NLRP5: variants seen among roughly 807,000 people sequenced by gnomAD.
NLRP5 encodes NLR family pyrin domain containing 5, also known as NACHT, LRR and PYD domains-containing protein 5.
In NLRP5, 93 loss-of-function variants were observed where a neutral mutation model predicts 113.1. That is an observed-to-expected ratio of 0.82 (90% CI 0.70 to 0.98). NLRP5 has a LOEUF of 0.98. NLRP5 is among the 50% of genes least tolerant of loss of function. The pLI is 0.00. For missense variants in NLRP5, 1,808 were observed against 1,514.3 expected, an observed-to-expected ratio of 1.19 and a Z score of -3.22; for synonymous variants, 751 against 600.7, an observed-to-expected ratio of 1.25 and a Z score of -3.66.
In NLRP5 at chr19:56,027,484, C is replaced by G. The variant is rs1246197790; in HGVS notation, c.1251C>G (p.Leu417=). 1 of 1,613,930 alleles carries G rather than the reference C, an allele frequency of 6.2e-7. No individual in the cohort carries two copies. The highest frequency in any genetic ancestry group is 8.5e-7 in the Non-Finnish European group (1 of 1,179,860). Reference sequence around the variant, plus strand: ...TCAGAGACGTGGGCACAGAGAAGCTCAAGTCAGAGGTCGTGTCTCCCCGTT... The same window carrying G: ...TCAGAGACGTGGGCACAGAGAAGCTGAAGTCAGAGGTCGTGTCTCCCCGTT... Residue 417 remains leucine (L), a synonymous_variant, in exon 7 of 15, where the codon CTC becomes CTG. Coordinates refer to ENST00000390649, the MANE Select transcript of NLRP5 (RefSeq NM_153447.4).
chr19:56,040,937 C>A lies in NLRP5; in HGVS notation c.2802C>A (p.Gly934=). 1.2e-6 allele frequency: 2 copies of A among 1,613,852 alleles called. No individual in the cohort carries two copies. Among genetic ancestry groups the A allele is most frequent in the Non-Finnish European group, 1.7e-6 (2 of 1,179,764 alleles). ...CTTCTTGCAGACTGGAGGACTGTGG[C>A]ATCACAGCCACGGGTTGCCAGAGTC... Residue 934 remains glycine, a synonymous_variant, in exon 11 of 15, where the codon GGC becomes GGA. Transcript: ENST00000390649.
intron 13 of NLRP5, among the ~76,000 whole-genome samples, chr19:56,055,991 T>A (rs532739083): frequency 5.3e-5 from 8 of 152,154 alleles, no homozygotes; most frequent in Non-Finnish European, 7.3e-5. Flanking sequence ...AAACAGGCAA[T>A]GGCGAGTTGC....
intron 4 of NLRP5, 25 bp downstream of exon 4, chr19:56,015,823 T>TCCAGAAATA: frequency 1.3e-6 from 2 of 1,531,520 alleles, no homozygotes; most frequent in Non-Finnish European, 1.8e-6. Flanking sequence ...TCTATTCATT[T>TCCAGAAATA]GTTGCCCTCC....
intron 14 of NLRP5, among the ~76,000 whole-genome samples, chr19:56,059,772 A>G (rs2123348260): frequency 6.6e-6 from 1 of 151,990 alleles, no homozygotes; most frequent in South Asian, 2.1e-4. Context: ...ATGATCCACC[A>G]GCTTCAGCCT....
At chr19:55,987,854 ACTC>A in the NLRP5 span, 3 of 1,613,348 alleles carry the variant, frequency 1.9e-6, no homozygotes, top group South Asian at 3.3e-5. Context: ...CTTCTCCCCA[ACTC>A]CTCACCCACC....
intron 13 of NLRP5, 142 bp downstream of exon 13, chr19:56,053,950 C>T (rs892356647): frequency 8.7e-6 from 6 of 688,900 alleles, no homozygotes; most frequent in Admixed American, 5.5e-5. Flanking sequence ...CGCAGCACCA[C>T]AGATCTGGGT....
chr19:56,030,330 A>G (rs1173799362), intron 7 of NLRP5, among the ~76,000 whole-genome samples: 1 of 152,116 alleles, frequency 6.6e-6, no homozygotes, highest in African/African-American at 2.4e-5. Flanking sequence ...AGATGGCACC[A>G]CTGTGCTCCA....
At chr19:56,052,397 A>G (rs1599911158) in intron 12 of NLRP5, among the ~76,000 whole-genome samples, 1 of 151,704 alleles carries the variant, frequency 6.6e-6, no homozygotes, top group Non-Finnish European at 1.5e-5. Context: ...GCCTCCCGAG[A>G]AGCTGGGATT....
In NLRP5 at chr19:56,010,742, C is replaced by CAAAAAAAAAAAAAAAAA. The variant is rs1412317286; in HGVS notation, c.508+1902_508+1903insAAAAAAAAAAAAAAAAA. On this transcript the variant is annotated intron_variant, in intron 3 of 14. Coordinates refer to ENST00000390649, the MANE Select transcript of NLRP5 (RefSeq NM_153447.4). Reference sequence around the variant, plus strand: ...GGGAAACAAGAGCTTAACTCTGTCTCAAAAAAAAAAAAAGTCCCTTGAAAC... The same window carrying CAAAAAAAAAAAAAAAAA: ...GGGAAACAAGAGCTTAACTCTGTCTCAAAAAAAAAAAAAAAAAAAAAAAAAAAAAAGTCCCTTGAAAC... 2.2e-3 allele frequency among the ~76,000 whole-genome samples: 90 copies of CAAAAAAAAAAAAAAAAA among 41,238 alleles called. 12 individuals are homozygous for CAAAAAAAAAAAAAAAAA. The highest frequency in any genetic ancestry group is 6.6e-3 in the South Asian group (8 of 1,206). 27.1% of individuals were successfully genotyped at this position (41,238 alleles called of 152,430 possible). A position where few individuals can be genotyped will look rare whatever the true frequency, so the allele number is the denominator to read the frequency against.
chr19:55,987,877 G>A, the NLRP5 span: 86 of 1,613,864 alleles, frequency 5.3e-5, no homozygotes, highest in Non-Finnish European at 5.1e-5. Flanking sequence ...CCGACTTCAC[G>A]GGAAAAAGTG....
chr19:55,998,682 A>ATGTGTG (rs1233364294), upstream of NLRP5, among the ~76,000 whole-genome samples: 1 of 83,656 alleles, frequency 1.2e-5, no homozygotes, highest in African/African-American at 6.2e-5. Flanking sequence ...GTATATATAT[A>ATGTGTG]TATATATATA....
At chr19:56,053,571 G>A in intron 12 of NLRP5, 67 bp from the exon 13 acceptor site, 1 of 1,431,814 alleles carries the variant, frequency 7.0e-7, no homozygotes, top group Non-Finnish European at 9.6e-7. Flanking sequence ...TAATGCTGCT[G>A]AACCTTCTCC....
At chr19:56,046,033 G>T (rs1983710778) in intron 11 of NLRP5, among the ~76,000 whole-genome samples, 1 of 152,164 alleles carries the variant, frequency 6.6e-6, no homozygotes, top group Admixed American at 6.6e-5. Flanking sequence ...TCTTATTCCA[G>T]TTCTCAAAGG....
At chr19:56,058,173 A>G (rs1239666320) in intron 13 of NLRP5, 67 bp from the exon 14 acceptor site, 2 of 1,198,574 alleles carry the variant, frequency 1.7e-6, no homozygotes, top group Non-Finnish European at 1.2e-6. Flanking sequence ...GGTGAAATTC[A>G]TACGGGTTGA....
chr19:56,040,365 C>T (rs772254688), intron 10 of NLRP5, among the ~76,000 whole-genome samples: 11 of 152,240 alleles, frequency 7.2e-5, no homozygotes, highest in Middle Eastern at 3.4e-3. Flanking sequence ...AGGCCAGCTT[C>T]GAGACCAGCC....
chr19:56,019,960 C>T (rs1982552465), intron 5 of NLRP5, among the ~76,000 whole-genome samples: 1 of 151,652 alleles, frequency 6.6e-6, no homozygotes. Flanking sequence ...TCTCAGCCTC[C>T]CGAGTAGCTG....
chr19:56,050,298 A>AC (rs768650174), intron 11 of NLRP5, 120 bp from the exon 12 acceptor site: 20 of 949,314 alleles, frequency 2.1e-5, no homozygotes, highest in Non-Finnish European at 2.9e-5. Flanking sequence ...AGAAAAAAAA[A>AC]CAAATATGAC....
At chr19:56,055,202 G>C (rs1395689479) in intron 13 of NLRP5, among the ~76,000 whole-genome samples, 1 of 151,700 alleles carries the variant, frequency 6.6e-6, no homozygotes, top group Non-Finnish European at 1.5e-5. Context: ...GTGTTAGCCA[G>C]GCTGCTTTTA....
In NLRP5 at chr19:56,060,835, C is replaced by CG. The variant is rs74179661; in HGVS notation, c.3471-556dup. On this transcript the variant is annotated intron_variant, in intron 14 of 14. Coordinates refer to ENST00000390649, the MANE Select transcript of NLRP5 (RefSeq NM_153447.4). The stretch of plus-strand genomic sequence containing the variant: ...CAATACTGTGACACTGGAGATTTGT[C>CG]GGGGGAAAAAAGCCCTATATTGCAG... 4.1e-3 allele frequency among the ~76,000 whole-genome samples: 629 copies of CG among 151,922 alleles called. 5 individuals are homozygous for CG. The highest frequency in any genetic ancestry group is 0.014 in the African/African-American group (579 of 41,370).
Sources: allele counts gnomAD v4.1 joint callset (sites outside exome capture counted in the v4.1 genomes callset), GRCh38; gene constraint gnomAD v4.1.1; transcripts MANE v1.5; gene names NCBI Gene and HGNC (gene_info 2026-07-23, HGNC 2026-07-21).